Variants in PARD3 observed in about 807,000 individuals in gnomAD.
PARD3 encodes par-3 family cell polarity regulator.
In PARD3, 75 loss-of-function variants were observed where a neutral mutation model predicts 155.4. The observed-to-expected ratio is 0.48, with a 90% CI of 0.40 to 0.58. PARD3 has a LOEUF of 0.58. Ranked by LOEUF, PARD3 falls within the 20% of genes least tolerant of loss-of-function variation. The probability of loss-of-function intolerance (pLI) is 0.00; values close to 1 mark genes in which losing one functional copy is unlikely to be tolerated. For missense variants in PARD3, 1,642 were observed against 1,721.7 expected, an observed-to-expected ratio of 0.95 and a Z score of 0.82; for synonymous variants, 576 against 610.5, an observed-to-expected ratio of 0.94 and a Z score of 0.83.
chr10:34,305,612 CAG>C (rs1005042680), intron 20 of PARD3, among the ~76,000 whole-genome samples: 2 of 152,204 alleles, frequency 1.3e-5, no homozygotes, highest in African/African-American at 4.8e-5. Flanking sequence ...AGCCTGAAAA[CAG>C]GGAATTTCCC....
At position 34,246,693 on chromosome 10, in the gene PARD3, G is replaced by A. The variant is rs779818042; in HGVS notation, c.3419+22964C>T. Among the ~76,000 whole-genome samples, 33 of 149,174 alleles carry A rather than the reference G, an allele frequency of 2.2e-4. 1 individual carries two copies. The highest frequency in any genetic ancestry group is 6.2e-4 in the South Asian group (3 of 4,806). ...TTTGTGAAAAGAATAAATACCAGGCGGCCGTAAGATGAACAACTGTGGGCA... is the reference window on the plus strand; with the variant it reads ...TTTGTGAAAAGAATAAATACCAGGCAGCCGTAAGATGAACAACTGTGGGCA... On this transcript the variant is annotated intron_variant, in intron 22 of 24. Transcript: ENST00000374788.
rs533630292 is a variant in PARD3, at chr10:34,664,825, T to A, written c.222+31493A>T. ...TTAGTCAAATTAGCAATTGCTACAG[T>A]CTGTCACTTCAGACAAGGCTGTGAA... On this transcript the variant is annotated intron_variant, in intron 2 of 24. Transcript: ENST00000374788. Among the ~76,000 whole-genome samples the A allele has an allele frequency of 5.9e-5, 9 of 152,272 alleles. No homozygotes were observed. In the East Asian group the frequency reaches 1.4e-3, roughly 23 times the overall value.
chr10:34,312,251 G>C (rs1473666162), intron 20 of PARD3: 1 of 1,585,666 alleles, frequency 6.3e-7, no homozygotes, highest in African/African-American at 1.3e-5. Flanking sequence ...TTCGTCAACA[G>C]CCACTAAGAA....
rs118158718 is a variant in PARD3, at chr10:34,475,288, G to A, written c.404-5025C>T. ...CAAAGCACATTTAGTGGAAAGAGCA[G>A]CAATGTTTAACATTTTGCTTAATAG... On this transcript the variant is annotated intron_variant, in intron 3 of 24. Transcript: ENST00000374788. Among the ~76,000 whole-genome samples the A allele has an allele frequency of 4.9e-4, 75 of 152,302 alleles. No homozygotes were observed. In the East Asian group the frequency reaches 0.013, roughly 27 times the overall value.
chr10:34,514,949 C>T (rs554329629), intron 3 of PARD3, among the ~76,000 whole-genome samples: 22 of 152,218 alleles, frequency 1.4e-4, no homozygotes, highest in South Asian at 4.2e-4. Context: ...AACACTACAA[C>T]GGTAACACAA....
rs374893977 is a variant in PARD3, at chr10:34,177,015, GTGTGTTTGTGTGTCGGTGTGGGGTC to G, written c.3420-45457_3420-45433del. On this transcript the variant is annotated intron_variant, in intron 22 of 24. Coordinates refer to ENST00000374788, the MANE Select transcript of PARD3 (RefSeq NM_001184785.2). ...GGGGTGTGTGTGGTGTGGTGTACAT[GTGTGTTTGTGTGTCGGTGTGGGGTC>G]TGTGTTTGTGTGTGTTGGTTTGGAT... 4.3e-3 allele frequency among the ~76,000 whole-genome samples: 654 copies of G among 151,938 alleles called. 4 individuals carry two copies. Among genetic ancestry groups the G allele is most frequent in the African/African-American group, 0.014 (592 of 41,416 alleles).
intron 15 of PARD3, chr10:34,345,878 T>G (rs1401791700): frequency 1.8e-5 from 18 of 985,226 alleles, no homozygotes; most frequent in Non-Finnish European, 2.2e-5. Flanking sequence ...TGACAAAAAG[T>G]GAGGAATTTT....
At chr10:34,731,080 A>G (rs939639169) in intron 1 of PARD3, among the ~76,000 whole-genome samples, 3 of 152,090 alleles carry the variant, frequency 2.0e-5, no homozygotes, top group Non-Finnish European at 2.9e-5. Flanking sequence ...TACTTGATTA[A>G]GTCATCATTA....
intron 2 of PARD3, among the ~76,000 whole-genome samples, chr10:34,653,248 A>G (rs1321110184): frequency 2.6e-5 from 4 of 152,196 alleles, no homozygotes; most frequent in Non-Finnish European, 5.9e-5. Flanking sequence ...GAACCCATTG[A>G]GGAAAACAGC....
intron 14 of PARD3, among the ~76,000 whole-genome samples, chr10:34,354,096 TCA>T (rs1488502964): frequency 2.0e-5 from 3 of 150,162 alleles, no homozygotes; most frequent in African/African-American, 7.3e-5. Flanking sequence ...CTCTGGAATT[TCA>T]GTTTCTAATA....
chr10:34,195,467 A>T (rs1950894719), intron 22 of PARD3, among the ~76,000 whole-genome samples: 1 of 152,216 alleles, frequency 6.6e-6, no homozygotes, highest in African/African-American at 2.4e-5. Flanking sequence ...AACTGACAAC[A>T]CACAGTAACA....
chr10:34,476,942 T>C (rs1041475976), intron 3 of PARD3, among the ~76,000 whole-genome samples: 7 of 152,192 alleles, frequency 4.6e-5, no homozygotes, highest in Non-Finnish European at 8.8e-5. Context: ...AAATGAATCA[T>C]GAAACACAAC....
At chr10:34,648,655 G>A (rs2133029372) in intron 2 of PARD3, among the ~76,000 whole-genome samples, 1 of 152,318 alleles carries the variant, frequency 6.6e-6, no homozygotes, top group Admixed American at 6.5e-5. Flanking sequence ...GCGGAGCTCA[G>A]TCAGTAATGC....
intron 5 of PARD3, among the ~76,000 whole-genome samples, chr10:34,402,512 C>A (rs1843998550): frequency 6.6e-6 from 1 of 152,178 alleles, no homozygotes. Flanking sequence ...AGCCAATCGA[C>A]TGATTATTTA....
At chr10:34,607,165 C>CT (rs890752031) in intron 2 of PARD3, among the ~76,000 whole-genome samples, 2 of 152,084 alleles carry the variant, frequency 1.3e-5, no homozygotes, top group Non-Finnish European at 2.9e-5. Context: ...GATTTCGAAA[C>CT]TGACAGAGCT....
chr10:34,611,984 G>A lies in PARD3; in HGVS notation c.222+84334C>T, dbSNP rs1214197438. On this transcript the variant is annotated intron_variant, in intron 2 of 24. Transcript: ENST00000374788. ...TGGGACTACAGGCACCCGCCACCAC[G>A]CCCAGCTGATTTTTTGTATTTTTAG... 1.1e-4 allele frequency among the ~76,000 whole-genome samples: 11 copies of A among 104,388 alleles called. No individual in the cohort carries two copies. In the Admixed American group the frequency reaches 1.5e-3, roughly 14 times the overall value. 68.5% of individuals were successfully genotyped at this position (104,388 alleles called of 152,430 possible). A position where few individuals can be genotyped will look rare whatever the true frequency, so the allele number is the denominator to read the frequency against.
intron 5 of PARD3, among the ~76,000 whole-genome samples, chr10:34,443,807 A>G (rs964262786): frequency 2.6e-5 from 4 of 152,176 alleles, no homozygotes; most frequent in Admixed American, 2.6e-4. Flanking sequence ...AGTATAAAGA[A>G]AAAGCATCAC....
intron 15 of PARD3, chr10:34,343,475 A>G (rs577409428): frequency 1.0e-5 from 10 of 983,606 alleles, no homozygotes; most frequent in Middle Eastern, 5.2e-4. Flanking sequence ...ATGGCAAGAA[A>G]TCTTCCTCAT....
chr10:34,655,511 A>G (rs1467540316), intron 2 of PARD3, among the ~76,000 whole-genome samples: 2 of 152,136 alleles, frequency 1.3e-5, no homozygotes, highest in African/African-American at 4.8e-5. Context: ...AGCATAAATT[A>G]CCAGCACACG....
Sources: gnomAD v4.1 joint callset for allele counts (sites outside exome capture counted in the v4.1 genomes callset) on GRCh38, gnomAD v4.1.1 for gene constraint, MANE v1.5 for transcripts, NCBI Gene and HGNC (gene_info 2026-07-23, HGNC 2026-07-21) for gene names.